The following SKAP2 variants were observed in gnomAD, a reference collection of about 807,000 sequenced individuals.
SKAP2 encodes src kinase-associated phosphoprotein 2.
Under a neutral mutation model 54.9 loss-of-function variants are expected in SKAP2, and 28 were observed. The observed-to-expected ratio is 0.51, with a 90% confidence interval of 0.38 to 0.70. The LOEUF is 0.70. Ranked by LOEUF, SKAP2 falls within the 30% of genes least tolerant of loss-of-function variation. SKAP2 has a pLI of 0.00. For missense variants in SKAP2, 356 were observed against 424.1 expected (o/e 0.84, Z 1.41); for synonymous variants, 137 against 134.3 (o/e 1.02, Z -0.14).
chr7:26,708,900 C>T (rs1186370853), intron 9 of SKAP2, among the ~76,000 whole-genome samples: 1 of 152,158 alleles, frequency 6.6e-6, no homozygotes, highest in Non-Finnish European at 1.5e-5. Context: ...AATTGAATTG[C>T]TTACATAAAA....
intron 4 of SKAP2, among the ~76,000 whole-genome samples, chr7:26,777,316 T>C (rs923703988): frequency 1.2e-4 from 18 of 152,140 alleles, no homozygotes; most frequent in Admixed American, 2.6e-4. Context: ...AAAGTCTAAG[T>C]TATGGATTTT....
intron 1 of SKAP2, 91 bp downstream of exon 1, chr7:26,864,272 G>C: frequency 2.0e-6 from 3 of 1,492,044 alleles, no homozygotes; most frequent in Non-Finnish European, 2.8e-6. Context: ...CGGGGAGGGA[G>C]GATAAGGGCT....
intron 4 of SKAP2, among the ~76,000 whole-genome samples, chr7:26,758,026 G>C (rs1161706239): frequency 6.6e-6 from 1 of 152,202 alleles, no homozygotes; most frequent in Non-Finnish European, 1.5e-5. Flanking sequence ...CTCCCAAAGT[G>C]CTGGGATTAC....
chr7:26,733,909 G>C (rs1584358115), intron 6 of SKAP2, among the ~76,000 whole-genome samples: 1 of 152,284 alleles, frequency 6.6e-6, no homozygotes, highest in East Asian at 1.9e-4. Flanking sequence ...AGCCCTGAGA[G>C]GAGGTACTAA....
intron 11 of SKAP2, among the ~76,000 whole-genome samples, chr7:26,672,198 A>C (rs212842): frequency 0.61 from 93,212 of 151,766 alleles, 29,105 homozygotes; most frequent in East Asian, 0.88. Context: ...AAATTACAAG[A>C]CAGAAAGTTA....
At chr7:26,829,109 C>T (rs1032007676) in intron 4 of SKAP2, among the ~76,000 whole-genome samples, 3 of 152,110 alleles carry the variant, frequency 2.0e-5, no homozygotes, top group Non-Finnish European at 4.4e-5. Flanking sequence ...AACTTTTGTG[C>T]TTCAAGGATA....
chr7:26,781,800 T>C (rs750578855), intron 4 of SKAP2, among the ~76,000 whole-genome samples: 1 of 152,118 alleles, frequency 6.6e-6, no homozygotes, highest in Non-Finnish European at 1.5e-5. Flanking sequence ...AGACCAGCCA[T>C]TGTCATCTCT....
chr7:26,734,234 T>A lies in SKAP2; in HGVS notation c.469+4561A>T, dbSNP rs536421499. Among the ~76,000 whole-genome samples the A allele has an allele frequency of 2.0e-5, 3 of 152,290 alleles. No individual in the cohort carries two copies. In the South Asian group the frequency reaches 6.2e-4, roughly 32 times the overall value. On this transcript the variant is annotated intron_variant, in intron 6 of 12. Coordinates refer to ENST00000345317, the MANE Select transcript of SKAP2 (RefSeq NM_003930.5). ...AATGGTCCTGTTGACCCAGACTCTA[T>A]CCATCCCAATCCATTCTCCATCATC...
chr7:26,673,169 T>C (rs1489703267), intron 11 of SKAP2, among the ~76,000 whole-genome samples: 1 of 151,990 alleles, frequency 6.6e-6, no homozygotes, highest in African/African-American at 2.4e-5. Flanking sequence ...GTCTAAATCT[T>C]TGAAATGTTA....
chr7:26,775,997 C>T (rs1165521545), intron 4 of SKAP2, among the ~76,000 whole-genome samples: 1 of 152,110 alleles, frequency 6.6e-6, no homozygotes, highest in Non-Finnish European at 1.5e-5. Context: ...TACAATTTGA[C>T]TTCTGCACAT....
At chr7:26,659,676 A>G in the SKAP2 span, among the ~76,000 whole-genome samples, 19,390 of 152,084 alleles carry the variant, frequency 0.13, 1,765 homozygotes, top group African/African-American at 0.26. Context: ...TTAGGATTCA[A>G]AGAAACAACC....
chr7:26,851,643 C>G (rs866304492), intron 3 of SKAP2, among the ~76,000 whole-genome samples: 1 of 150,652 alleles, frequency 6.6e-6, no homozygotes, highest in South Asian at 2.1e-4. Context: ...TGCAGCACAC[C>G]AACATGGCAC....
downstream of SKAP2, among the ~76,000 whole-genome samples, chr7:26,665,182 C>A (rs116380368): frequency 6.6e-6 from 1 of 152,160 alleles, no homozygotes; most frequent in South Asian, 2.1e-4. Flanking sequence ...AAGTGGAATG[C>A]AGGGCAGCAG....
At chr7:26,826,078 T>C (rs900129813) in intron 4 of SKAP2, among the ~76,000 whole-genome samples, 1 of 151,792 alleles carries the variant, frequency 6.6e-6, no homozygotes, top group Admixed American at 6.6e-5. Flanking sequence ...CCACAAACTC[T>C]TTTTTGGGCA....
At chr7:26,745,792 G>A (rs936806947) in intron 4 of SKAP2, among the ~76,000 whole-genome samples, 1 of 152,146 alleles carries the variant, frequency 6.6e-6, no homozygotes, top group Non-Finnish European at 1.5e-5. Flanking sequence ...TGGTATTATA[G>A]GCATGAGCCA....
chr7:26,853,796 T>C (rs188995241), intron 3 of SKAP2, among the ~76,000 whole-genome samples: 1 of 152,308 alleles, frequency 6.6e-6, no homozygotes, highest in Non-Finnish European at 1.5e-5. Flanking sequence ...AGTGGGTTAG[T>C]ATCTCACCTC....
chr7:26,847,032 A>G (rs2127996689), intron 3 of SKAP2, among the ~76,000 whole-genome samples: 1 of 152,302 alleles, frequency 6.6e-6, no homozygotes, highest in Admixed American at 6.5e-5. Context: ...TGGGTTATAT[A>G]TTAAAATGAA....
intron 4 of SKAP2, among the ~76,000 whole-genome samples, chr7:26,793,153 G>T (rs1380225762): frequency 6.6e-6 from 1 of 152,142 alleles, no homozygotes; most frequent in Non-Finnish European, 1.5e-5. Flanking sequence ...TGCTTCCCTA[G>T]TCTGACAGAC....
chr7:26,821,271 C>T (rs1270799091), intron 4 of SKAP2, among the ~76,000 whole-genome samples: 1 of 151,668 alleles, frequency 6.6e-6, no homozygotes, highest in Non-Finnish European at 1.5e-5. Flanking sequence ...TTAGATAAAA[C>T]AAAGAGGGAG....
Sources: allele counts gnomAD v4.1 joint callset (sites outside exome capture counted in the v4.1 genomes callset), GRCh38; gene constraint gnomAD v4.1.1; transcripts MANE v1.5; gene names NCBI Gene and HGNC (gene_info 2026-07-23, HGNC 2026-07-21).